WDR11: variants seen among roughly 807,000 people sequenced by gnomAD.
WDR11 encodes the protein WD repeat-containing protein 11.
A neutral mutation model predicts 151.2 loss-of-function variants in WDR11; 83 were observed. The ratio of observed to expected loss-of-function variants is 0.55; its 90% confidence interval spans 0.46 to 0.66. The LOEUF is 0.66. Ranked by LOEUF, WDR11 falls within the 30% of genes least tolerant of loss-of-function variation. The pLI is 0.00. For synonymous variants in WDR11, 484 were observed against 533.1 expected (o/e 0.91, Z 1.27); for missense variants, 1,301 against 1,480.9 (o/e 0.88, Z 1.99).
At chr10:120,874,378 A>G (rs2133763787) in intron 11 of WDR11, among the ~76,000 whole-genome samples, 1 of 151,732 alleles carries the variant, frequency 6.6e-6, no homozygotes, top group South Asian at 2.1e-4. Flanking sequence ...TTTGCTCAAA[A>G]TTATTATTTT....
At chr10:120,892,096 T>C (rs1847447266) in intron 19 of WDR11, among the ~76,000 whole-genome samples, 1 of 152,236 alleles carries the variant, frequency 6.6e-6, no homozygotes, top group Non-Finnish European at 1.5e-5. Context: ...GTGGAACTGC[T>C]ATCTAAATGT....
intron 15 of WDR11, 82 bp downstream of exon 15, chr10:120,886,020 T>C: frequency 1.3e-6 from 2 of 1,581,688 alleles, no homozygotes; most frequent in Non-Finnish European, 1.7e-6. Flanking sequence ...TCGGAAGGTG[T>C]CTATGGTAGC....
At chr10:120,854,960 C>T (rs1845898417) in intron 2 of WDR11, among the ~76,000 whole-genome samples, 1 of 152,084 alleles carries the variant, frequency 6.6e-6, no homozygotes, top group East Asian at 1.9e-4. Context: ...GTACTGAACC[C>T]TATATATATT....
chr10:120,875,686 G>C (rs1846744313), intron 11 of WDR11, among the ~76,000 whole-genome samples: 1 of 151,854 alleles, frequency 6.6e-6, no homozygotes. Flanking sequence ...TGTATTTTTA[G>C]TAGAGACGGG....
chr10:120,858,226 C>G (rs1646109292), intron 2 of WDR11, among the ~76,000 whole-genome samples: 1 of 152,008 alleles, frequency 6.6e-6, no homozygotes, highest in South Asian at 2.1e-4. Context: ...GACTTTCCCT[C>G]TGCAAGGTTT....
rs959308399 is a variant in WDR11 at position 120,864,736 on chromosome 10, T to C, written c.714-311T>C. 1.1e-4 allele frequency among the ~76,000 whole-genome samples: 16 copies of C among 152,208 alleles called. 1 individual carries two copies. Among genetic ancestry groups the C allele is most frequent in the Non-Finnish European group, 8.8e-5 (6 of 68,022 alleles). On this transcript the variant is annotated intron_variant, in intron 5 of 28. Transcript: ENST00000263461. ...GTAAAAGTAAAATAAAACTGTCTTA[T>C]GCATGCCAGCTATTATTATATTATC...
At chr10:120,858,974 C>T (rs1846039906) in intron 3 of WDR11, among the ~76,000 whole-genome samples, 178 bp downstream of exon 3, 1 of 152,196 alleles carries the variant, frequency 6.6e-6, no homozygotes, top group Admixed American at 6.5e-5. Context: ...TAATACACTT[C>T]TAGGCATATT....
chr10:120,906,526 CTG>C lies in WDR11; in HGVS notation c.3438-248_3438-247del, dbSNP rs746816534. The C allele has an allele frequency of 1.9e-3, 2,534 of 1,361,426 alleles. 5 individuals are homozygous for C. The highest frequency in any genetic ancestry group is 2.2e-3 in the Non-Finnish European group (2,325 of 1,056,248). 84.3% of individuals were successfully genotyped at this position (1,361,426 alleles called of 1,614,324 possible). The stretch of plus-strand genomic sequence containing the variant: ...GGGTACATGGGCACTTGTCATATCT[CTG>C]TAGATTTTTGTGTATTTAAACTATT... On this transcript the variant is annotated intron_variant, in intron 27 of 28. Transcript: ENST00000263461.
intron 4 of WDR11, among the ~76,000 whole-genome samples, chr10:120,860,783 T>C (rs977022813): frequency 1.3e-5 from 2 of 152,236 alleles, no homozygotes; most frequent in African/African-American, 4.8e-5. Context: ...CTTTTAATGT[T>C]TTCCTGAGCT....
Position 120,874,189 on chromosome 10 carries a change from T to TTG in WDR11, c.1556+267_1556+268insGT, listed in dbSNP as rs1554854848. On this transcript the variant is annotated intron_variant, in intron 11 of 28. Coordinates refer to ENST00000263461, the MANE Select transcript of WDR11 (RefSeq NM_018117.12). ...GCGGTTTTTGCAGTTTTTTTTTTTT[T>TTG]TTTGTTGTTGTTGTTGTTGTTTGTT... 3.2e-4 allele frequency among the ~76,000 whole-genome samples: 32 copies of TTG among 101,192 alleles called. 1 individual carries two copies. The highest frequency in any genetic ancestry group is 1.1e-3 in the African/African-American group (31 of 27,828). The allele number at this position is 101,192 out of a possible 152,430, so 66.4% of individuals were successfully genotyped here. A position where few individuals can be genotyped will look rare whatever the true frequency, so the allele number is the denominator to read the frequency against.
At chr10:120,892,375 A>T (rs997986064) in intron 19 of WDR11, among the ~76,000 whole-genome samples, 3 of 152,248 alleles carry the variant, frequency 2.0e-5, no homozygotes, top group African/African-American at 7.2e-5. Flanking sequence ...CAATTGGGAA[A>T]GGTCATGCAA....
In WDR11 at chr10:120,878,436, T is replaced by G; in HGVS notation, c.1640T>G (p.Leu547Arg). 5 of 1,613,226 alleles carry G rather than the reference T, an allele frequency of 3.1e-6. No individual in the cohort carries two copies. The highest frequency in any genetic ancestry group is 4.2e-6 in the Non-Finnish European group (5 of 1,179,466). ...PNNMGLVRNE[L>R]QLVDLPTGRS... ...AATATGGGATTAGTGAGAAATGAACTTCAACTGGTTGATCTTCCAACAGGT... is the reference window on the plus strand; with the variant it reads ...AATATGGGATTAGTGAGAAATGAACGTCAACTGGTTGATCTTCCAACAGGT... The change falls in exon 12 of 29, where the codon CTT (leucine) becomes CGT (arginine). Residue 547 changes from leucine to arginine, a missense_variant. Leu to Arg is a moderately radical substitution (Grantham distance 102). Transcript: ENST00000263461.
intron 21 of WDR11, among the ~76,000 whole-genome samples, chr10:120,901,593 G>A (rs1590116747): frequency 6.6e-6 from 1 of 152,180 alleles, no homozygotes; most frequent in South Asian, 2.1e-4. Flanking sequence ...GAAAAAATAT[G>A]GGTCTACAAG....
At position 120,851,417 on chromosome 10, in the gene WDR11, C is replaced by CT. The variant is rs1564932534; in HGVS notation, c.-4_-3insT. On this transcript the variant is annotated 5_prime_UTR_variant, in exon 1 of 29. Transcript: ENST00000263461. ...AGCGCCCAGGTCCTGGGCTGGCCGC[C>CT]GGGATGTTGCCCTACACAGTGAACT... 1 of 1,608,930 alleles carries CT rather than the reference C, an allele frequency of 6.2e-7. No individual in the cohort carries two copies. The highest frequency in any genetic ancestry group is 1.7e-5 in the Admixed American group (1 of 59,380).
chr10:120,908,826 G>C lies in WDR11; in HGVS notation c.*113G>C. 1 of 1,181,136 alleles carries C rather than the reference G, an allele frequency of 8.5e-7. No individual in the cohort carries two copies. The highest frequency in any genetic ancestry group is 1.2e-6 in the Non-Finnish European group (1 of 804,224). The allele number at this position is 1,181,136 out of a possible 1,614,324, so 73.2% of individuals were successfully genotyped here. A position where few individuals can be genotyped will look rare whatever the true frequency, so the allele number is the denominator to read the frequency against. On this transcript the variant is annotated 3_prime_UTR_variant, in exon 29 of 29. Coordinates refer to ENST00000263461, the MANE Select transcript of WDR11 (RefSeq NM_018117.12). Reference sequence around the variant, plus strand: ...AGAGGAGTACAGGGTCCTGTGAGCTGTTTGACCACTGTTCTAAGACTATGT... The same window carrying C: ...AGAGGAGTACAGGGTCCTGTGAGCTCTTTGACCACTGTTCTAAGACTATGT...
chr10:120,858,842 TC>T, intron 3 of WDR11, 46 bp downstream of exon 3: 1 of 1,611,160 alleles, frequency 6.2e-7, no homozygotes, highest in South Asian at 1.1e-5. Flanking sequence ...ATACACTTAC[TC>T]TTGGAGTGGT....
In WDR11 at chr10:120,862,643, T is replaced by G. The variant is rs112550899; in HGVS notation, c.527-92T>G. ...ATTGCCAGTTATATATTATTAAAAT[T>G]ATCACTATATTGCTCTCAAAATTGT... On this transcript the variant is annotated intron_variant, in intron 4 of 28. Transcript: ENST00000263461. The G allele has an allele frequency of 1.7e-4, 212 of 1,273,980 alleles. 4 individuals are homozygous for G. The African/African-American group carries it at 1.8e-3, about 11-fold the overall frequency. 78.9% of individuals were successfully genotyped at this position (1,273,980 alleles called of 1,614,324 possible). A position where few individuals can be genotyped will look rare whatever the true frequency, so the allele number is the denominator to read the frequency against.
At position 120,885,909 on chromosome 10, in the gene WDR11, G is replaced by A. The variant is rs117443476; in HGVS notation, c.1944G>A (p.Glu648=). ...GCCAGACCGTAGTCTCAGACACAGA[G>A]CTGAGTATTGTTGAATCATCTGTGA... The part of the protein sequence containing the change: ...MARQTVVSDT[E]LSIVESSVIS... Residue 648 remains glutamate, a synonymous_variant, in exon 15 of 29, where the codon GAG becomes GAA. Coordinates refer to ENST00000263461, the MANE Select transcript of WDR11 (RefSeq NM_018117.12). 4.9e-4 allele frequency: 783 copies of A among 1,613,756 alleles called. 7 individuals carry two copies. In the East Asian group the frequency reaches 0.015, roughly 30 times the overall value.
At chr10:120,862,957 T>A (rs1846191761) in intron 5 of WDR11, 36 bp downstream of exon 5, 2 of 1,356,266 alleles carry the variant, frequency 1.5e-6, no homozygotes, top group African/African-American at 1.4e-5. Flanking sequence ...TTCATCTACT[T>A]ATCTGGTATG....
Sources: allele counts gnomAD v4.1 joint callset (sites outside exome capture counted in the v4.1 genomes callset), GRCh38; gene constraint gnomAD v4.1.1; transcripts MANE v1.5; gene names NCBI Gene and HGNC (gene_info 2026-07-23, HGNC 2026-07-21).